CAV1: variants seen among roughly 807,000 people sequenced by gnomAD.
The protein encoded by CAV1 is caveolin-1.
CAV1 carries 10 observed loss-of-function variants against 16.5 expected under a neutral mutation model. That is an observed-to-expected ratio of 0.61 (90% confidence interval 0.37 to 1.03). The LOEUF (loss-of-function observed/expected upper bound fraction) is 1.03. Among genes scored for constraint, CAV1 ranks in the 50% least tolerant of loss-of-function variants. The pLI is 0.01. For synonymous variants in CAV1, 76 were observed against 85.1 expected, an observed-to-expected ratio of 0.89 and a Z score of 0.59; for missense variants, 212 against 232.8, an observed-to-expected ratio of 0.91 and a Z score of 0.58.
At chr7:116,552,126 G>A (rs1457947899) in intron 2 of CAV1, among the ~76,000 whole-genome samples, 1 of 152,094 alleles carries the variant, frequency 6.6e-6, no homozygotes, top group Admixed American at 6.6e-5. Flanking sequence ...ACAATTAGAG[G>A]GATGGCATTA....
Position 116,555,668 on chromosome 7 carries a change from A to AAG in CAV1, c.196-3260_196-3259dup, listed in dbSNP as rs756619607. On this transcript the variant is annotated intron_variant, in intron 2 of 2. Coordinates refer to ENST00000341049, the MANE Select transcript of CAV1 (RefSeq NM_001753.5). ...AGAAAGAAAAAGGAAGGAAGGAAGG[A>AAG]AGAGAGAGAGAGAGAGAGAAAGACC... is the stretch of plus-strand genomic sequence containing the variant. 4.5e-4 allele frequency among the ~76,000 whole-genome samples: 66 copies of AAG among 146,668 alleles called. 1 individual carries two copies. Among genetic ancestry groups the AAG allele is most frequent in the Middle Eastern group, 3.4e-3 (1 of 290 alleles).
At chr7:116,547,205 G>A (rs762492380) in intron 2 of CAV1, among the ~76,000 whole-genome samples, 4 of 152,116 alleles carry the variant, frequency 2.6e-5, no homozygotes, top group Non-Finnish European at 5.9e-5. Context: ...TGAGTGTCTG[G>A]GGATTAGAAC....
intron 2 of CAV1, among the ~76,000 whole-genome samples, chr7:116,530,440 A>T (rs1455794832): frequency 6.6e-6 from 1 of 152,208 alleles, no homozygotes; most frequent in Non-Finnish European, 1.5e-5. Context: ...TGAATATTGC[A>T]TAACAAAAAG....
Position 116,525,127 on chromosome 7 carries a change from G to A in CAV1, c.30+35G>A, listed in dbSNP as rs1210252264. ...CGTGGGGGGGCGCCGGCTCGGGCGT[G>A]CGGGGAGTGTCCGCTTCTGCTATCT... On this transcript the variant is annotated intron_variant, in intron 1 of 2. Coordinates refer to ENST00000341049, the MANE Select transcript of CAV1 (RefSeq NM_001753.5). 2.5e-6 allele frequency: 4 copies of A among 1,614,204 alleles called. No individual in the cohort carries two copies. In the Admixed American group the frequency reaches 5.0e-5, roughly 20 times the overall value.
At chr7:116,552,837 A>G (rs1049217479) in intron 2 of CAV1, among the ~76,000 whole-genome samples, 1 of 152,200 alleles carries the variant, frequency 6.6e-6, no homozygotes, top group Admixed American at 6.5e-5. Context: ...GAAGACTAAC[A>G]TTATCATGGC....
chr7:116,539,075 C>G (rs1793884717), intron 2 of CAV1, among the ~76,000 whole-genome samples: 1 of 152,158 alleles, frequency 6.6e-6, no homozygotes, highest in South Asian at 2.1e-4. Flanking sequence ...AGCACCAGCC[C>G]TGCACCAGGC....
chr7:116,534,378 TATATATA>T (rs1793754045), intron 2 of CAV1, among the ~76,000 whole-genome samples: 6 of 15,144 alleles, frequency 4.0e-4, no homozygotes, highest in South Asian at 4.7e-3. Context: ...TATATATATA[TATATATA>T]TATATATATA....
At chr7:116,536,057 A>G (rs1368464868) in intron 2 of CAV1, among the ~76,000 whole-genome samples, 1 of 152,190 alleles carries the variant, frequency 6.6e-6, no homozygotes, top group Non-Finnish European at 1.5e-5. Flanking sequence ...GTGTCTAGAT[A>G]TGGCAGTGGG....
intron 2 of CAV1, among the ~76,000 whole-genome samples, chr7:116,553,517 C>A (rs191624178): frequency 6.6e-6 from 1 of 152,154 alleles, no homozygotes; most frequent in Admixed American, 6.5e-5. Context: ...ATACTTCCCT[C>A]CAGAAGGCCA....
chr7:116,546,308 G>A (rs961035797), intron 2 of CAV1, among the ~76,000 whole-genome samples: 5 of 152,150 alleles, frequency 3.3e-5, no homozygotes, highest in South Asian at 2.1e-4. Context: ...CCATGTGGAC[G>A]CGAGAGATGG....
intron 1 of CAV1, 104 bp downstream of exon 1, chr7:116,525,196 C>T (rs1398217392): frequency 6.2e-7 from 1 of 1,613,662 alleles, no homozygotes; most frequent in African/African-American, 1.3e-5. Context: ...CCAGCCCTCT[C>T]TCCACTTCGG....
chr7:116,553,455 C>A (rs867792164), intron 2 of CAV1, among the ~76,000 whole-genome samples: 2 of 152,012 alleles, frequency 1.3e-5, no homozygotes, highest in South Asian at 4.1e-4. Flanking sequence ...TCTGTTGACA[C>A]ACAAAAATAT....
chr7:116,552,902 C>T lies in CAV1; in HGVS notation c.196-6044C>T, dbSNP rs551760045. 4.6e-5 allele frequency among the ~76,000 whole-genome samples: 7 copies of T among 152,266 alleles called. No homozygotes were observed. The East Asian group carries it at 1.3e-3, about 29-fold the overall frequency. ...AAATCAAAGGATTATTACCATTACC[C>T]GAATCCATCAGGATCCTGTTGGCAG... On this transcript the variant is annotated intron_variant, in intron 2 of 2. Transcript: ENST00000341049.
At chr7:116,527,144 G>T in intron 2 of CAV1, 2 of 218,788 alleles carry the variant, frequency 9.1e-6, no homozygotes, top group Admixed American at 5.2e-5. Context: ...AATACAAGAT[G>T]GGCATGTTCC....
rs1794378935 is a variant in CAV1, at chr7:116,560,151, T to C, written c.*864T>C. On this transcript the variant is annotated 3_prime_UTR_variant, in exon 3 of 3. Coordinates refer to ENST00000341049, the MANE Select transcript of CAV1 (RefSeq NM_001753.5). ...TATCCGTAGTGGGTATGGTTGACAC[T>C]AGCCCAATGAAATGAATTAAAGTGG... 2 of 269,060 alleles carry C rather than the reference T, an allele frequency of 7.4e-6. No homozygotes were observed. Among genetic ancestry groups the C allele is most frequent in the East Asian group, 1.3e-4 (2 of 15,924 alleles). 16.7% of individuals were successfully genotyped at this position (269,060 alleles called of 1,614,324 possible). A position where few individuals can be genotyped will look rare whatever the true frequency, so the allele number is the denominator to read the frequency against.
chr7:116,526,724 CA>C, intron 2 of CAV1, 35 bp downstream of exon 2: 1 of 1,613,034 alleles, frequency 6.2e-7, no homozygotes, highest in South Asian at 1.1e-5. Flanking sequence ...AGGGCTGGGA[CA>C]GCTCTCCTCT....
At chr7:116,546,993 A>G (rs1794064823) in intron 2 of CAV1, among the ~76,000 whole-genome samples, 1 of 152,154 alleles carries the variant, frequency 6.6e-6, no homozygotes, top group Non-Finnish European at 1.5e-5. Flanking sequence ...GTTTGCTGGC[A>G]ATGTTTGGCA....
rs189428448 is a variant in CAV1, at chr7:116,545,856, G to A, written c.196-13090G>A. ...CCCATGACATGCCCAGAAGGTTGAA[G>A]AATAACAAACTCCCAAGTGTAAACA... is the stretch of plus-strand genomic sequence containing the variant. On this transcript the variant is annotated intron_variant, in intron 2 of 2. Transcript: ENST00000341049. Among the ~76,000 whole-genome samples, 61 of 152,344 alleles carry A rather than the reference G, an allele frequency of 4.0e-4. 1 individual carries two copies. The East Asian group carries it at 0.012, about 29-fold the overall frequency.
At chr7:116,556,310 T>A (rs1425418722) in intron 2 of CAV1, among the ~76,000 whole-genome samples, 1 of 152,224 alleles carries the variant, frequency 6.6e-6, no homozygotes, top group Non-Finnish European at 1.5e-5. Context: ...TCAAAGAACA[T>A]GCCGGGAGAA....
Sources: gnomAD v4.1 joint callset for allele counts (sites outside exome capture counted in the v4.1 genomes callset) on GRCh38, gnomAD v4.1.1 for gene constraint, MANE v1.5 for transcripts, NCBI Gene and HGNC (gene_info 2026-07-23, HGNC 2026-07-21) for gene names.